Variants in ADGRL3 observed in about 807,000 individuals in gnomAD.
The protein encoded by ADGRL3 is calcium-independent alpha-latrotoxin receptor 3.
In ADGRL3, 62 loss-of-function variants were observed where a neutral mutation model predicts 153.5. That is an observed-to-expected ratio of 0.40 (90% CI 0.33 to 0.50). The LOEUF (loss-of-function observed/expected upper bound fraction) is 0.50, where lower values mean the gene tolerates loss of function less well. ADGRL3 is among the 20% of genes least tolerant of loss of function. ADGRL3 has a pLI of 0.47. For missense variants in ADGRL3, 1,641 were observed against 1,859.4 expected (o/e 0.88, Z 2.16); for synonymous variants, 710 against 672.5 (o/e 1.06, Z -0.86).
At chr4:61,543,957 C>T (rs2098702293) in intron 4 of ADGRL3, among the ~76,000 whole-genome samples, 1 of 152,198 alleles carries the variant, frequency 6.6e-6, no homozygotes, top group South Asian at 2.1e-4. Flanking sequence ...TTTGTCTGCT[C>T]ATATTAGTCC....
intron 1 of ADGRL3, among the ~76,000 whole-genome samples, chr4:61,291,599 TATATACACACAC>T (rs1231261421): frequency 0.072 from 1,086 of 15,046 alleles, 14 homozygotes; most frequent in East Asian, 0.15. Context: ...TATATATATA[TATATACACACAC>T]ATATATATAT....
intron 9 of ADGRL3, among the ~76,000 whole-genome samples, chr4:61,882,750 C>G (rs1176503309): frequency 6.6e-6 from 1 of 152,190 alleles, no homozygotes. Context: ...AACTCCCTCA[C>G]TTTGCCTCTT....
chr4:61,726,083 A>G (rs966044628), intron 6 of ADGRL3, among the ~76,000 whole-genome samples: 4 of 152,170 alleles, frequency 2.6e-5, no homozygotes, highest in Admixed American at 6.5e-5. Context: ...GAAATGTTTC[A>G]GATTTTGGAT....
chr4:61,666,739 A>G (rs1211812928), intron 5 of ADGRL3, among the ~76,000 whole-genome samples: 1 of 152,174 alleles, frequency 6.6e-6, no homozygotes, highest in Non-Finnish European at 1.5e-5. Context: ...AAAATAAGCA[A>G]TATCTTTATT....
chr4:61,612,471 T>A (rs1353658258), intron 5 of ADGRL3, among the ~76,000 whole-genome samples: 3 of 152,198 alleles, frequency 2.0e-5, no homozygotes, highest in South Asian at 2.1e-4. Flanking sequence ...AGTTATTTGT[T>A]GGATCAACCA....
At chr4:61,718,456 A>G (rs186939191) in intron 6 of ADGRL3, among the ~76,000 whole-genome samples, 1,578 of 152,338 alleles carry the variant, frequency 0.01, 6 homozygotes, top group Non-Finnish European at 0.017. Context: ...AGAATTTGTC[A>G]TTACATAGTT....
intron 4 of ADGRL3, among the ~76,000 whole-genome samples, chr4:61,556,304 G>T (rs964697908): frequency 3.3e-4 from 50 of 152,088 alleles, no homozygotes; most frequent in African/African-American, 1.2e-3. Flanking sequence ...CTGAGCAATG[G>T]CATATCTAGG....
chr4:61,647,361 G>A (rs572830298), intron 5 of ADGRL3, among the ~76,000 whole-genome samples: 17 of 152,104 alleles, frequency 1.1e-4, no homozygotes, highest in African/African-American at 3.4e-4. Flanking sequence ...ATTTACAGAC[G>A]AAAAAATTAA....
chr4:61,681,473 G>A lies in ADGRL3; in HGVS notation c.583+4538G>A, dbSNP rs554289054. On this transcript the variant is annotated intron_variant, in intron 6 of 26. Transcript: ENST00000683033. ...GAATTTTCTAAGAAAATTGCGGGGG[G>A]AAGTACACAATTTGGAAAGTGACTA... Among the ~76,000 whole-genome samples, 19 of 152,010 alleles carry A rather than the reference G, an allele frequency of 1.2e-4. No homozygotes were observed. The South Asian group carries it at 3.7e-3, about 30-fold the overall frequency.
chr4:61,418,399 C>T (rs1294297129), intron 2 of ADGRL3, among the ~76,000 whole-genome samples: 2 of 151,530 alleles, frequency 1.3e-5, no homozygotes, highest in East Asian at 4.1e-4. Flanking sequence ...GAGCATATTT[C>T]AGGCCGTGAA....
At chr4:61,478,806 A>T (rs1055545956) in intron 2 of ADGRL3, among the ~76,000 whole-genome samples, 1 of 152,088 alleles carries the variant, frequency 6.6e-6, no homozygotes, top group Non-Finnish European at 1.5e-5. Flanking sequence ...TTTTAGGTAC[A>T]TGTCTGTGTG....
intron 8 of ADGRL3, among the ~76,000 whole-genome samples, chr4:61,791,554 A>T (rs912921804): frequency 5.3e-5 from 8 of 152,106 alleles, no homozygotes; most frequent in African/African-American, 1.9e-4. Context: ...ATGGTGCAAG[A>T]TGTCAGTGGA....
intron 5 of ADGRL3, among the ~76,000 whole-genome samples, chr4:61,638,571 T>G (rs1350532330): frequency 6.6e-6 from 1 of 152,190 alleles, no homozygotes; most frequent in African/African-American, 2.4e-5. Flanking sequence ...CAGTTTATCT[T>G]TACTAACCAC....
chr4:61,913,430 CAAAG>C (rs1233163814), intron 13 of ADGRL3, among the ~76,000 whole-genome samples: 1 of 151,858 alleles, frequency 6.6e-6, no homozygotes, highest in Admixed American at 6.6e-5. Flanking sequence ...AGGAAAGAAA[CAAAG>C]AAGGCAGGAG....
chr4:61,286,603 A>T (rs2093951093), intron 1 of ADGRL3, among the ~76,000 whole-genome samples: 1 of 151,784 alleles, frequency 6.6e-6, no homozygotes, highest in African/African-American at 2.4e-5. Context: ...ATCATTACTC[A>T]GTAATTGGGA....
chr4:61,521,742 G>T (rs1258371254), intron 4 of ADGRL3, among the ~76,000 whole-genome samples: 1 of 152,014 alleles, frequency 6.6e-6, no homozygotes, highest in Non-Finnish European at 1.5e-5. Context: ...TTATAAATGA[G>T]TGTACCATTT....
chr4:61,747,787 A>G (rs1177767811), intron 8 of ADGRL3, among the ~76,000 whole-genome samples: 18 of 151,122 alleles, frequency 1.2e-4, no homozygotes, highest in African/African-American at 2.2e-4. Context: ...ATTCCCTTTG[A>G]AAACTGGCAC....
Position 61,912,762 on chromosome 4 carries a change from T to C in ADGRL3, c.2112+5T>C, listed in dbSNP as rs2098727543. On this transcript the variant is annotated splice_donor_5th_base_variant and intron_variant, in intron 13 of 26. Coordinates refer to ENST00000683033, the MANE Select transcript of ADGRL3 (RefSeq NM_001387552.1). ...TCTTGCAGAGCCTATGTCCAGGTAC[T>C]TTCTGCGTTTTTATAAATGTGTTAA... is the stretch of plus-strand genomic sequence containing the variant. The C allele has an allele frequency of 1.2e-6, 2 of 1,612,566 alleles. No individual in the cohort carries two copies. Among genetic ancestry groups the C allele is most frequent in the Non-Finnish European group, 1.7e-6 (2 of 1,179,080 alleles).
intron 21 of ADGRL3, among the ~76,000 whole-genome samples, chr4:62,023,773 T>G (rs890568563): frequency 1.3e-5 from 2 of 152,168 alleles, no homozygotes; most frequent in Non-Finnish European, 2.9e-5. Flanking sequence ...ATTGCGTGCT[T>G]AATAGACTAC....
Sources: gnomAD v4.1 joint callset for allele counts (sites outside exome capture counted in the v4.1 genomes callset) on GRCh38, gnomAD v4.1.1 for gene constraint, MANE v1.5 for transcripts, NCBI Gene and HGNC (gene_info 2026-07-23, HGNC 2026-07-21) for gene names.